The following RWDD1 variants were observed in gnomAD, a reference collection of about 807,000 sequenced individuals.
The protein encoded by RWDD1 is RWD domain containing 1, also known as RWD domain-containing protein 1.
A neutral mutation model predicts 31.6 loss-of-function variants in RWDD1; 17 were observed. The observed-to-expected ratio is 0.54, with a 90% CI of 0.37 to 0.81. RWDD1 has a LOEUF of 0.81. Ranked by LOEUF, RWDD1 falls within the 30% of genes least tolerant of loss-of-function variation. RWDD1 has a pLI of 0.00. For missense variants in RWDD1, 204 were observed against 274.5 expected, an observed-to-expected ratio of 0.74 and a Z score of 1.82; for synonymous variants, 78 against 94.2, an observed-to-expected ratio of 0.83 and a Z score of 0.99.
chr6:116,587,375 A>T (rs1775061841), intron 3 of RWDD1, among the ~76,000 whole-genome samples: 1 of 152,168 alleles, frequency 6.6e-6, no homozygotes, highest in Non-Finnish European at 1.5e-5. Flanking sequence ...GGGTAGAGGA[A>T]CCAACTTGTT....
At chr6:116,573,016 C>G (rs1162383815) in intron 1 of RWDD1, 1 of 984,324 alleles carries the variant, frequency 1.0e-6, no homozygotes, top group African/African-American at 1.7e-5. Context: ...GCTCCCTTCT[C>G]TATCCTTGCT....
chr6:116,572,843 C>T (rs551368075), intron 1 of RWDD1: 74 of 985,422 alleles, frequency 7.5e-5, no homozygotes, highest in Non-Finnish European at 8.6e-5. Flanking sequence ...AAATTTTGTT[C>T]TGCTTTGCCA....
intron 1 of RWDD1, among the ~76,000 whole-genome samples, chr6:116,574,696 CTT>C (rs1178026705): frequency 1.3e-4 from 19 of 150,226 alleles, no homozygotes; most frequent in African/African-American, 4.4e-4. Flanking sequence ...TCCTTCCTTC[CTT>C]TTCTTTCTTT....
At chr6:116,575,297 G>C (rs1193717990) in intron 1 of RWDD1, among the ~76,000 whole-genome samples, 1 of 151,900 alleles carries the variant, frequency 6.6e-6, no homozygotes, top group Non-Finnish European at 1.5e-5. Flanking sequence ...ATGTTCCCAG[G>C]CTGGTCTTGA....
Position 116,593,006 on chromosome 6 carries a change from T to C in RWDD1, c.637T>C (p.Ser213Pro). ...DAGNNVEVDE[S>P]LFQEMDDLEL... ...TGGAAACAACGTGGAGGTAGATGAG[T>C]CTTTGTTCCAAGAAATGGATGACTT... The change falls in exon 7 of 7, where the codon TCT becomes CCT. Residue 213 changes from serine (S) to proline (P), a missense_variant. By Grantham distance (74) the Ser-to-Pro change is moderately conservative. Coordinates refer to ENST00000466444, the MANE Select transcript of RWDD1 (RefSeq NM_015952.4). The C allele has an allele frequency of 6.2e-7, 1 of 1,612,454 alleles. No homozygotes were observed. Among genetic ancestry groups the C allele is most frequent in the South Asian group, 1.1e-5 (1 of 91,008 alleles).
At chr6:116,573,088 T>A (rs910278816) in intron 1 of RWDD1, 4 of 799,946 alleles carry the variant, frequency 5.0e-6, no homozygotes, top group Non-Finnish European at 4.5e-6. Context: ...TAATCATGTT[T>A]GGTCATTTCC....
intron 1 of RWDD1, among the ~76,000 whole-genome samples, chr6:116,574,505 A>G (rs1184744497): frequency 6.6e-6 from 1 of 152,178 alleles, no homozygotes; most frequent in Non-Finnish European, 1.5e-5. Flanking sequence ...TGTGGAAACT[A>G]AAGGTAATTT....
intron 2 of RWDD1, among the ~76,000 whole-genome samples, chr6:116,582,587 T>C (rs1158737966): frequency 6.6e-6 from 1 of 152,104 alleles, no homozygotes. Context: ...ATTCATCCTG[T>C]CTTAAACCTT....
At position 116,592,813 on chromosome 6, in the gene RWDD1, A is replaced by G. The variant is rs185871565; in HGVS notation, c.611-167A>G. ...TTGCTCTTAAAATTTCAGAGTCTCT[A>G]CTGACCAATGCAAATCACTGTTGAT... On this transcript the variant is annotated intron_variant, in intron 6 of 6. Coordinates refer to ENST00000466444, the MANE Select transcript of RWDD1 (RefSeq NM_015952.4). Among the ~76,000 whole-genome samples the G allele has an allele frequency of 1.8e-4, 28 of 152,304 alleles. No individual in the cohort carries two copies. The East Asian group carries it at 4.1e-3, about 22-fold the overall frequency.
chr6:116,575,627 A>G (rs1269717824), intron 1 of RWDD1, among the ~76,000 whole-genome samples: 1 of 152,212 alleles, frequency 6.6e-6, no homozygotes. Flanking sequence ...TTTTAATAGG[A>G]TTAGGTTCAT....
chr6:116,574,725 CTCCT>C (rs1249549765), intron 1 of RWDD1, among the ~76,000 whole-genome samples: 86 of 148,650 alleles, frequency 5.8e-4, no homozygotes, highest in African/African-American at 1.8e-3. Context: ...TTCTTTCTCT[CTCCT>C]TCCTTCCTTC....
intron 3 of RWDD1, among the ~76,000 whole-genome samples, chr6:116,587,049 T>C (rs1482869838): frequency 6.6e-6 from 1 of 152,212 alleles, no homozygotes; most frequent in African/African-American, 2.4e-5. Context: ...ATTTTTTTGC[T>C]TTTCTATCGG....
intron 1 of RWDD1, chr6:116,572,776 C>T (rs1774766523): frequency 5.7e-6 from 5 of 881,548 alleles, no homozygotes; most frequent in Non-Finnish European, 5.4e-6. Context: ...CTCTCCCTTT[C>T]ATTGTTTAGC....
At chr6:116,588,233 C>A (rs765318037) in intron 3 of RWDD1, among the ~76,000 whole-genome samples, 4 of 152,174 alleles carry the variant, frequency 2.6e-5, no homozygotes, top group African/African-American at 4.8e-5. Context: ...GCCTAGTAAT[C>A]TCTGCTTCTA....
intron 4 of RWDD1, among the ~76,000 whole-genome samples, chr6:116,589,355 A>C (rs898584043): frequency 1.3e-5 from 2 of 152,174 alleles, no homozygotes; most frequent in Non-Finnish European, 2.9e-5. Context: ...TGAGCTAAAA[A>C]AAATTTGCAG....
chr6:116,580,211 G>C (rs903370173), intron 1 of RWDD1, 84 bp from the exon 2 acceptor site: 4 of 873,010 alleles, frequency 4.6e-6, no homozygotes, highest in Non-Finnish European at 7.1e-6. Flanking sequence ...CAGTTTCTAG[G>C]ACTGGGTACT....
intron 3 of RWDD1, among the ~76,000 whole-genome samples, chr6:116,586,607 GTATAT>G: frequency 6.6e-6 from 1 of 152,046 alleles, no homozygotes; most frequent in South Asian, 2.1e-4. Context: ...TCAAGAATTA[GTATAT>G]AATTCTTTCA....
intron 6 of RWDD1, among the ~76,000 whole-genome samples, chr6:116,591,753 G>A (rs940950944): frequency 6.6e-6 from 1 of 152,230 alleles, no homozygotes; most frequent in Non-Finnish European, 1.5e-5. Context: ...CTAGAGTTCC[G>A]TACTTCATTA....
At chr6:116,582,303 T>C (rs898609262) in intron 2 of RWDD1, among the ~76,000 whole-genome samples, 2 of 151,752 alleles carry the variant, frequency 1.3e-5, no homozygotes, top group African/African-American at 4.8e-5. Flanking sequence ...TGCATTTTAA[T>C]ATACCTGCAT....
Sources: allele counts gnomAD v4.1 joint callset (sites outside exome capture counted in the v4.1 genomes callset), GRCh38; gene constraint gnomAD v4.1.1; transcripts MANE v1.5; gene names NCBI Gene and HGNC (gene_info 2026-07-23, HGNC 2026-07-21).